LHX6: variants seen among roughly 807,000 people sequenced by gnomAD.
LHX6 encodes LIM homeobox 6.
A neutral mutation model predicts 47.1 loss-of-function variants in LHX6; 15 were observed. That is an observed-to-expected ratio of 0.32 (90% CI 0.21 to 0.49). The LOEUF is 0.49. Ranked by LOEUF, LHX6 falls within the 20% of genes least tolerant of loss-of-function variation. LHX6 has a pLI of 0.99. For missense variants in LHX6, 404 were observed against 539.6 expected (o/e 0.75, Z 2.49); for synonymous variants, 242 against 233.5 (o/e 1.04, Z -0.33).
At chr9:122,215,318 G>A (rs1164815318) in intron 5 of LHX6, among the ~76,000 whole-genome samples, 6 of 152,196 alleles carry the variant, frequency 3.9e-5, no homozygotes, top group Non-Finnish European at 7.4e-5. Flanking sequence ...TGGAGCAATC[G>A]TTATTTTCTT....
Position 122,204,670 on chromosome 9 carries a change from G to T in LHX6, c.*90C>A. 1 of 1,509,898 alleles carries T rather than the reference G, an allele frequency of 6.6e-7. No homozygotes were observed. The highest frequency in any genetic ancestry group is 9.0e-7 in the Non-Finnish European group (1 of 1,108,286). 93.5% of individuals were successfully genotyped at this position (1,509,898 alleles called of 1,614,324 possible). A position where few individuals can be genotyped will look rare whatever the true frequency, so the allele number is the denominator to read the frequency against. The stretch of plus-strand genomic sequence containing the variant: ...GACGGGGGTGGATGCGGAGGTGGGT[G>T]GACTCCTGGCCGCAGCTTGGACACT... On this transcript the variant is annotated 3_prime_UTR_variant, in exon 10 of 10. Coordinates refer to ENST00000394319, the MANE Select transcript of LHX6 (RefSeq NM_014368.5).
At position 122,228,728 on chromosome 9, in the gene LHX6, G is replaced by T. The variant is rs1465834460; in HGVS notation, c.13C>A (p.His5Asn). The T allele has an allele frequency of 7.7e-7, 1 of 1,294,602 alleles. No homozygotes were observed. The allele number at this position is 1,294,602 out of a possible 1,614,324, so 80.2% of individuals were successfully genotyped here. Reference sequence around the variant, plus strand: ...GGCAACGCCGGGGCGGCGTTCTCATGCTTCCAGTACATGGGCCGGGGAACC... The same window carrying T: ...GGCAACGCCGGGGCGGCGTTCTCATTCTTCCAGTACATGGGCCGGGGAACC... MYWK[H>N]ENAAPALPEG... The change falls in exon 1 of 10, where the codon CAT becomes AAT. Residue 5 changes from histidine (H) to asparagine (N), a missense_variant. Physicochemically the swap from His to Asn is moderately conservative, Grantham distance 68. Transcript: ENST00000394319.
Position 122,204,642 on chromosome 9 carries a change from G to GCGGA in LHX6, c.*114_*117dup. The GCGGA allele has an allele frequency of 7.9e-7, 1 of 1,268,492 alleles. No individual in the cohort carries two copies. The highest frequency in any genetic ancestry group is 1.1e-6 in the Non-Finnish European group (1 of 913,348). 78.6% of individuals were successfully genotyped at this position (1,268,492 alleles called of 1,614,324 possible). The stretch of plus-strand genomic sequence containing the variant: ...AACCGACCTGGTGGTGGGCAGGATG[G>GCGGA]CGGACGGGGGTGGATGCGGAGGTGG... On this transcript the variant is annotated 3_prime_UTR_variant, in exon 10 of 10. Transcript: ENST00000394319.
chr9:122,217,664 T>A lies in LHX6; in HGVS notation c.462-376A>T, dbSNP rs1279698365. ...GATTCTAATTGTTTTACATTGATTA[T>A]CCCAATTAATCCTCATTTTGCAGGT... On this transcript the variant is annotated intron_variant, in intron 4 of 9. Coordinates refer to ENST00000394319, the MANE Select transcript of LHX6 (RefSeq NM_014368.5). The surrounding 1 kb of genome is among the most constrained non-coding windows in gnomAD (Gnocchi z 4.9). Among the ~76,000 whole-genome samples the A allele has an allele frequency of 6.6e-6, 1 of 152,226 alleles. No homozygotes were observed. The highest frequency in any genetic ancestry group is 1.5e-5 in the Non-Finnish European group (1 of 68,046).
chr9:122,210,910 C>A (rs913054931), intron 8 of LHX6, among the ~76,000 whole-genome samples: 1 of 152,264 alleles, frequency 6.6e-6, no homozygotes, highest in Admixed American at 6.5e-5. Flanking sequence ...TCTGTCTTTG[C>A]CAACTAGAAT....
chr9:122,215,675 C>T (rs1452139397), intron 5 of LHX6, among the ~76,000 whole-genome samples: 2 of 152,230 alleles, frequency 1.3e-5, no homozygotes, highest in African/African-American at 4.8e-5. Flanking sequence ...TTTCATTGCC[C>T]ATCACTGCAG....
At position 122,228,486 on chromosome 9, in the gene LHX6, ACC is replaced by A. The variant is rs398012140; in HGVS notation, c.84+169_84+170del. 867 of 1,168,630 alleles carry A rather than the reference ACC, an allele frequency of 7.4e-4. 4 individuals carry two copies. In the African/African-American group the frequency reaches 0.017, roughly 23 times the overall value. The allele number at this position is 1,168,630 out of a possible 1,614,324, so 72.4% of individuals were successfully genotyped here. ...GCATAATGTGTTCCCGCTTTCCGCG[ACC>A]CCCCCCCCCCGCTCGCGCGCGCGCT... is the stretch of plus-strand genomic sequence containing the variant. On this transcript the variant is annotated intron_variant, in intron 1 of 9. Coordinates refer to ENST00000394319, the MANE Select transcript of LHX6 (RefSeq NM_014368.5).
chr9:122,228,491 C>G, intron 1 of LHX6, 166 bp downstream of exon 1: 15 of 1,333,770 alleles, frequency 1.1e-5, no homozygotes, highest in Non-Finnish European at 1.4e-5. Flanking sequence ...CCGCGACCCC[C>G]CCCCCCCGCT....
At chr9:122,225,700 G>A (rs368225755) in intron 4 of LHX6, among the ~76,000 whole-genome samples, 5 of 152,264 alleles carry the variant, frequency 3.3e-5, no homozygotes, top group Admixed American at 6.5e-5. Flanking sequence ...CAGGCGCTGG[G>A]GGCCTGCGCA....
Position 122,228,797 on chromosome 9 carries a change from G to T in LHX6, c.-57C>A. ...CAGCGCGGAGAGCTGCGCCGAGGGG[G>T]ACCACAGCCGCAGTGGGAGCAGAGG... On this transcript the variant is annotated 5_prime_UTR_variant, in exon 1 of 10. Coordinates refer to ENST00000394319, the MANE Select transcript of LHX6 (RefSeq NM_014368.5). 8.7e-7 allele frequency: 1 copy of T among 1,148,366 alleles called. No homozygotes were observed. Among genetic ancestry groups the T allele is most frequent in the Non-Finnish European group, 1.1e-6 (1 of 914,310 alleles). 71.1% of individuals were successfully genotyped at this position (1,148,366 alleles called of 1,614,324 possible). A position where few individuals can be genotyped will look rare whatever the true frequency, so the allele number is the denominator to read the frequency against.
At chr9:122,228,557 C>A in intron 1 of LHX6, 100 bp downstream of exon 1, 1 of 1,347,352 alleles carries the variant, frequency 7.4e-7, no homozygotes. Context: ...CCTCGTACCC[C>A]TCCTTCCTGC....
intron 9 of LHX6, among the ~76,000 whole-genome samples, chr9:122,208,161 C>T (rs906208201): frequency 1.3e-5 from 2 of 152,174 alleles, no homozygotes; most frequent in Non-Finnish European, 2.9e-5. Context: ...CTGGCAGCCT[C>T]AAGGCTCTCG....
chr9:122,209,543 G>GCGC, intron 9 of LHX6, 71 bp downstream of exon 9: 1 of 1,603,690 alleles, frequency 6.2e-7, no homozygotes, highest in Non-Finnish European at 8.5e-7. Flanking sequence ...ATGGTTAACA[G>GCGC]AGGATGCTGC....
chr9:122,214,339 T>C lies in LHX6; in HGVS notation c.727A>G (p.Ser243Gly). 1 of 1,598,302 alleles carries C rather than the reference T, an allele frequency of 6.3e-7. No individual in the cohort carries two copies. The highest frequency in any genetic ancestry group is 8.5e-7 in the Non-Finnish European group (1 of 1,174,664). ...LEGAVPSEQD[S>G]QPKPAKRART... ...GCGCGCTTGGCCGGCTTGGGTTGAC[T>C]GTCCTGTTCCGAGGGCACTGCCCCC... The change falls in exon 6 of 10, where the codon AGT becomes GGT. Residue 243 changes from serine to glycine, a missense_variant. By Grantham distance (56) the Ser-to-Gly change is moderately conservative (BLOSUM62 0). Around this residue, in one of 7 missense-constraint regions of LHX6, gnomAD observed 43 missense variants for 84.7 expected, o/e 0.51. Transcript: ENST00000394319. The surrounding 1 kb of genome is among the most constrained non-coding windows in gnomAD (Gnocchi z 4.6).
chr9:122,218,139 G>A (rs906855275), intron 4 of LHX6, among the ~76,000 whole-genome samples: 2 of 152,096 alleles, frequency 1.3e-5, no homozygotes, highest in Non-Finnish European at 2.9e-5. Flanking sequence ...GGCAATTTGG[G>A]TGCAGCTGCC....
rs150409818 is a variant in LHX6 at position 122,220,544 on chromosome 9, G to A, written c.462-3256C>T. On this transcript the variant is annotated intron_variant, in intron 4 of 9. Coordinates refer to ENST00000394319, the MANE Select transcript of LHX6 (RefSeq NM_014368.5). ...GGATTCCAGACACAGCGAAATCGGC[G>A]GCGGAGACAACGAAACTTCAAGAAA... Among the ~76,000 whole-genome samples, 4 of 152,336 alleles carry A rather than the reference G, an allele frequency of 2.6e-5. No individual in the cohort carries two copies. The East Asian group carries it at 7.7e-4, about 29-fold the overall frequency.
At chr9:122,218,519 C>T (rs997854767) in intron 4 of LHX6, among the ~76,000 whole-genome samples, 6 of 152,082 alleles carry the variant, frequency 3.9e-5, no homozygotes, top group Admixed American at 2.0e-4. Context: ...ATCATGCAAC[C>T]CTCACTGTCA....
chr9:122,220,653 G>A (rs994980713), intron 4 of LHX6, among the ~76,000 whole-genome samples: 1 of 152,252 alleles, frequency 6.6e-6, no homozygotes, highest in Non-Finnish European at 1.5e-5. Flanking sequence ...TGAGGTCCGG[G>A]CCTTGCGTCC....
chr9:122,227,357 G>A (rs1831149446), intron 2 of LHX6, 52 bp downstream of exon 2: 1 of 1,454,966 alleles, frequency 6.9e-7, no homozygotes, highest in Admixed American at 2.5e-5. Context: ...CAGGTCCCCA[G>A]GGCCGGGCCG....
Sources: allele counts gnomAD v4.1 joint callset (sites outside exome capture counted in the v4.1 genomes callset), GRCh38; gene constraint gnomAD v4.1.1; regional missense constraint gnomAD v4.1.1; non-coding constraint Gnocchi (gnomAD v3.1); transcripts MANE v1.5; gene names NCBI Gene and HGNC (gene_info 2026-07-23, HGNC 2026-07-21).